The following TBC1D9 variants were observed in gnomAD, a reference collection of about 807,000 sequenced individuals.
The protein encoded by TBC1D9 is TBC1 domain family member 9.
A neutral mutation model predicts 132.0 loss-of-function variants in TBC1D9; 63 were observed. The ratio of observed to expected loss-of-function variants is 0.48; its 90% confidence interval spans 0.39 to 0.59. TBC1D9 has a LOEUF of 0.59. Ranked by LOEUF, TBC1D9 falls within the 20% of genes least tolerant of loss-of-function variation. TBC1D9 has a pLI of 0.00. For synonymous variants in TBC1D9, 610 were observed against 609.9 expected (o/e 1.00, Z 0.00); for missense variants, 1,261 against 1,592.7 (o/e 0.79, Z 3.54).
At chr4:140,709,246 T>TCA (rs1177824383) in intron 1 of TBC1D9, among the ~76,000 whole-genome samples, 1,162 of 102,178 alleles carry the variant, frequency 0.011, 3 homozygotes, top group Middle Eastern at 0.021. Flanking sequence ...TCTCTCTCTC[T>TCA]CTCACACACA....
intron 13 of TBC1D9, among the ~76,000 whole-genome samples, chr4:140,653,234 G>A (rs1313082482): frequency 2.0e-5 from 3 of 152,158 alleles, no homozygotes; most frequent in African/African-American, 7.2e-5. Context: ...GCAACCTAGG[G>A]AGCCCTTAAC....
At chr4:140,722,552 T>C (rs1738440521) in intron 1 of TBC1D9, among the ~76,000 whole-genome samples, 2 of 152,212 alleles carry the variant, frequency 1.3e-5, no homozygotes, top group South Asian at 4.1e-4. Flanking sequence ...GGTAATGCCA[T>C]GTTGATCTTA....
At chr4:140,655,331 G>GAC (rs758067778) in intron 13 of TBC1D9, among the ~76,000 whole-genome samples, 7 of 151,974 alleles carry the variant, frequency 4.6e-5, no homozygotes, top group Non-Finnish European at 7.4e-5. Flanking sequence ...ATGAGTTAAG[G>GAC]ACACACATTT....
chr4:140,751,598 A>G lies in TBC1D9; in HGVS notation c.130+4318T>C, dbSNP rs529627318. On this transcript the variant is annotated intron_variant, in intron 1 of 20. Transcript: ENST00000442267. ...GTATTTAAAAGGAAATGGTATCTAA[A>G]CAGGACTTAAGGAATTTTAAAAATT... Among the ~76,000 whole-genome samples, 3 of 152,344 alleles carry G rather than the reference A, an allele frequency of 2.0e-5. No individual in the cohort carries two copies. The East Asian group carries it at 5.8e-4, about 29-fold the overall frequency.
At position 140,657,703 on chromosome 4, in the gene TBC1D9, C is replaced by T. The variant is rs781293234; in HGVS notation, c.2031G>A (p.Trp677Ter). 2 of 1,614,004 alleles carry T rather than the reference C, an allele frequency of 1.2e-6. No individual in the cohort carries two copies. Among genetic ancestry groups the T allele is most frequent in the Non-Finnish European group, 1.7e-6 (2 of 1,179,900 alleles). ...LGVISTISLS[W>*]FLTLFLSVMP... is the part of the protein sequence containing the mutation. ...TCACACTGAGAAATAGTGTGAGGAA[C>T]CAAGACAGGGAGATGGTGGAAATCA... The change falls in exon 12 of 21, where the codon TGG becomes TGA. Residue 677 changes from tryptophan (W) to a stop codon, truncating the protein, a stop_gained. Coordinates refer to ENST00000442267, the MANE Select transcript of TBC1D9 (RefSeq NM_015130.3). LOFTEE classifies it high-confidence loss of function.
At chr4:140,687,344 ATATATATAT>A (rs1737799976) in intron 2 of TBC1D9, among the ~76,000 whole-genome samples, 1 of 4,416 alleles carries the variant, frequency 2.3e-4, no homozygotes, top group Non-Finnish European at 4.5e-4. Flanking sequence ...TGTGTGTGTC[ATATATATAT>A]ATATATATAT....
chr4:140,719,871 G>T (rs944001280), intron 1 of TBC1D9, among the ~76,000 whole-genome samples: 1 of 152,168 alleles, frequency 6.6e-6, no homozygotes, highest in African/African-American at 2.4e-5. Context: ...GGGTTTGGTG[G>T]AAGGTAGCTT....
intron 13 of TBC1D9, chr4:140,642,218 C>T: frequency 1.4e-6 from 1 of 734,626 alleles, no homozygotes; most frequent in South Asian, 1.5e-5. Context: ...GGCCACTCTC[C>T]TTCAGGAATT....
At chr4:140,714,507 G>A (rs1042012499) in intron 1 of TBC1D9, among the ~76,000 whole-genome samples, 1 of 152,176 alleles carries the variant, frequency 6.6e-6, no homozygotes, top group Non-Finnish European at 1.5e-5. Flanking sequence ...GTTAAGATAA[G>A]GGGTTATGGA....
intron 5 of TBC1D9, 134 bp downstream of exon 5, chr4:140,678,808 T>C: frequency 7.1e-6 from 8 of 1,121,008 alleles, no homozygotes; most frequent in Non-Finnish European, 1.0e-5. Flanking sequence ...CAGCTAGTCT[T>C]TTTTAGTTTT....
chr4:140,648,788 C>A (rs1046425221), intron 13 of TBC1D9, among the ~76,000 whole-genome samples: 2 of 152,082 alleles, frequency 1.3e-5, no homozygotes, highest in Non-Finnish European at 2.9e-5. Flanking sequence ...CATTTCATAC[C>A]ACCTTCCCCC....
At chr4:140,653,660 G>C (rs188005997) in intron 13 of TBC1D9, among the ~76,000 whole-genome samples, 5 of 152,166 alleles carry the variant, frequency 3.3e-5, no homozygotes, top group Non-Finnish European at 7.3e-5. Flanking sequence ...AGAGTTCGTG[G>C]TGTTCTCTTT....
chr4:140,642,874 C>T, intron 13 of TBC1D9: 1 of 576,210 alleles, frequency 1.7e-6, no homozygotes, highest in Non-Finnish European at 3.1e-6. Context: ...GGCCTGCGTG[C>T]CAAGCTTCCA....
At chr4:140,662,360 A>T (rs1737375755) in intron 9 of TBC1D9, among the ~76,000 whole-genome samples, 1 of 152,198 alleles carries the variant, frequency 6.6e-6, no homozygotes, top group Non-Finnish European at 1.5e-5. Context: ...TTCCCAAGCT[A>T]CAAAACCATG....
chr4:140,746,136 T>A (rs1364618620), intron 1 of TBC1D9, among the ~76,000 whole-genome samples: 1 of 152,220 alleles, frequency 6.6e-6, no homozygotes, highest in East Asian at 1.9e-4. Flanking sequence ...TTCACCCATG[T>A]TTCATCTCAA....
chr4:140,686,651 G>A (rs1229673063), intron 2 of TBC1D9, among the ~76,000 whole-genome samples, 189 bp from the exon 3 acceptor site: 2 of 152,168 alleles, frequency 1.3e-5, no homozygotes, highest in African/African-American at 4.8e-5. Context: ...AAACGCAAGA[G>A]TAATATTATA....
At chr4:140,704,131 C>G (rs1352746536) in intron 1 of TBC1D9, among the ~76,000 whole-genome samples, 1 of 152,104 alleles carries the variant, frequency 6.6e-6, no homozygotes, top group African/African-American at 2.4e-5. Context: ...GGCGCGGTGG[C>G]TAATACCTGC....
chr4:140,695,209 G>A (rs1737934836), intron 2 of TBC1D9, among the ~76,000 whole-genome samples: 1 of 152,180 alleles, frequency 6.6e-6, no homozygotes, highest in Non-Finnish European at 1.5e-5. Context: ...GGGGAGACCT[G>A]AGAACTTGGT....
intron 2 of TBC1D9, among the ~76,000 whole-genome samples, chr4:140,695,360 A>T (rs1355772739): frequency 6.6e-6 from 1 of 152,176 alleles, no homozygotes; most frequent in Non-Finnish European, 1.5e-5. Context: ...ACCATCTAGG[A>T]CCAGATGACA....
Sources: gnomAD v4.1 joint callset for allele counts (sites outside exome capture counted in the v4.1 genomes callset) on GRCh38, gnomAD v4.1.1 for gene constraint, MANE v1.5 for transcripts, NCBI Gene and HGNC (gene_info 2026-07-23, HGNC 2026-07-21) for gene names.